Variants in VDAC1 observed in about 807,000 individuals in gnomAD.
The protein encoded by VDAC1 is non-selective voltage-gated ion channel VDAC1.
A neutral mutation model predicts 34.7 loss-of-function variants in VDAC1; 10 were observed. The ratio of observed to expected loss-of-function variants is 0.29; its 90% CI spans 0.18 to 0.49. VDAC1 has a LOEUF of 0.49. Ranked by LOEUF, VDAC1 falls within the 20% of genes least tolerant of loss-of-function variation. The probability of loss-of-function intolerance (pLI) is 0.99; values close to 1 mark genes in which losing one functional copy is unlikely to be tolerated. For synonymous variants in VDAC1, 130 were observed against 136.0 expected (o/e 0.96, Z 0.30); for missense variants, 230 against 347.9 (o/e 0.66, Z 2.69).
chr5:134,055,075 T>C, the VDAC1 span, among the ~76,000 whole-genome samples: 1 of 152,236 alleles, frequency 6.6e-6, no homozygotes, highest in Non-Finnish European at 1.5e-5. Flanking sequence ...GCAGGATGGC[T>C]GCCCTGGTGG....
At chr5:133,982,177 T>C (rs967153444) in intron 5 of VDAC1, among the ~76,000 whole-genome samples, 2 of 152,142 alleles carry the variant, frequency 1.3e-5, no homozygotes, top group African/African-American at 4.8e-5. Context: ...ATATTAGCAA[T>C]AGGCTGAAAC....
chr5:134,050,962 A>C, the VDAC1 span, among the ~76,000 whole-genome samples: 1 of 152,200 alleles, frequency 6.6e-6, no homozygotes, highest in African/African-American at 2.4e-5. Context: ...TCTTGAGGGC[A>C]TGTGTGAACT....
chr5:134,054,395 A>G, the VDAC1 span, among the ~76,000 whole-genome samples: 1 of 151,640 alleles, frequency 6.6e-6, no homozygotes, highest in African/African-American at 2.4e-5. Flanking sequence ...CCTGTTGAGA[A>G]CTGACCATAG....
intron 3 of VDAC1, among the ~76,000 whole-genome samples, chr5:133,991,527 T>G (rs1031651759): frequency 6.6e-6 from 1 of 152,206 alleles, no homozygotes; most frequent in Admixed American, 6.5e-5. Context: ...ACTGCACACA[T>G]AATTTCAAAG....
the VDAC1 span, among the ~76,000 whole-genome samples, chr5:134,085,411 G>C: frequency 6.6e-6 from 1 of 152,082 alleles, no homozygotes; most frequent in Non-Finnish European, 1.5e-5. Context: ...ACTGATTTCA[G>C]TACAAAGCTT....
the VDAC1 span, among the ~76,000 whole-genome samples, chr5:134,059,340 G>A: frequency 2.0e-5 from 3 of 152,108 alleles, no homozygotes; most frequent in Non-Finnish European, 2.9e-5. Context: ...TCTGACCCAG[G>A]GCTTCCTTGG....
chr5:134,035,355 C>T, the VDAC1 span, among the ~76,000 whole-genome samples: 1 of 152,214 alleles, frequency 6.6e-6, no homozygotes, highest in Non-Finnish European at 1.5e-5. Flanking sequence ...GATCCTCCCA[C>T]TTCAGCCTCG....
the VDAC1 span, among the ~76,000 whole-genome samples, chr5:134,064,441 A>C: frequency 1.3e-5 from 2 of 151,968 alleles, no homozygotes; most frequent in African/African-American, 4.8e-5. Context: ...AGTAGCTGGG[A>C]TTACAGGCAT....
chr5:134,000,188 C>T (rs1336461869), intron 1 of VDAC1, among the ~76,000 whole-genome samples: 3 of 152,218 alleles, frequency 2.0e-5, no homozygotes, highest in African/African-American at 7.2e-5. Context: ...GTTCCTGGTT[C>T]AAGCTCCAGG....
chr5:134,068,304 A>C, the VDAC1 span, among the ~76,000 whole-genome samples: 1 of 150,154 alleles, frequency 6.7e-6, no homozygotes, highest in Non-Finnish European at 1.5e-5. Context: ...TTTTCCCCTT[A>C]GTATTGTGTC....
the VDAC1 span, among the ~76,000 whole-genome samples, chr5:134,041,013 G>A: frequency 5.5e-4 from 84 of 152,266 alleles, no homozygotes; most frequent in Non-Finnish European, 8.5e-4. Context: ...AAGAACTGTC[G>A]GAACAGATGG....
At chr5:134,001,579 A>T (rs1315874173) in intron 1 of VDAC1, among the ~76,000 whole-genome samples, 1 of 151,994 alleles carries the variant, frequency 6.6e-6, no homozygotes, top group Non-Finnish European at 1.5e-5. Context: ...TTAGCCAGGC[A>T]TGGTGGCAGG....
At chr5:134,029,045 G>A in the VDAC1 span, among the ~76,000 whole-genome samples, 7 of 152,114 alleles carry the variant, frequency 4.6e-5, no homozygotes, top group Non-Finnish European at 7.4e-5. Flanking sequence ...GTGACCAATC[G>A]TTCTGGTTTG....
At chr5:134,002,275 C>G (rs1218720520) in intron 1 of VDAC1, among the ~76,000 whole-genome samples, 1 of 152,210 alleles carries the variant, frequency 6.6e-6, no homozygotes, top group Non-Finnish European at 1.5e-5. Context: ...TATGGTCCCC[C>G]ACTTTCTGAG....
At chr5:134,099,176 G>T in the VDAC1 span, among the ~76,000 whole-genome samples, 1 of 152,178 alleles carries the variant, frequency 6.6e-6, no homozygotes, top group African/African-American at 2.4e-5. Context: ...TTCAGGTCGA[G>T]CACAGACTCT....
At chr5:134,109,492 A>C in the VDAC1 span, among the ~76,000 whole-genome samples, 1 of 152,158 alleles carries the variant, frequency 6.6e-6, no homozygotes, top group Non-Finnish European at 1.5e-5. Flanking sequence ...ACACCTGGCC[A>C]GGTGCGGTGG....
chr5:134,103,919 T>C, the VDAC1 span, among the ~76,000 whole-genome samples: 1 of 152,118 alleles, frequency 6.6e-6, no homozygotes, highest in African/African-American at 2.4e-5. Flanking sequence ...TAGGTGGAAG[T>C]AGAAAGGCAG....
the VDAC1 span, among the ~76,000 whole-genome samples, chr5:134,098,270 T>C: frequency 1.3e-5 from 2 of 151,700 alleles, no homozygotes; most frequent in Non-Finnish European, 2.9e-5. Flanking sequence ...TGTCAGCTCA[T>C]TGCAACCTCC....
intron 1 of VDAC1, among the ~76,000 whole-genome samples, chr5:133,993,599 A>G (rs552085582): frequency 5.3e-5 from 8 of 152,352 alleles, no homozygotes; most frequent in African/African-American, 1.9e-4. Flanking sequence ...CATATTTCTC[A>G]TAGAGAATAC....
Sources: gnomAD v4.1 joint callset for allele counts (sites outside exome capture counted in the v4.1 genomes callset) on GRCh38, gnomAD v4.1.1 for gene constraint, MANE v1.5 for transcripts, NCBI Gene and HGNC (gene_info 2026-07-23, HGNC 2026-07-21) for gene names.